The following CXCL12 variants were observed in gnomAD, a reference collection of about 807,000 sequenced individuals.
CXCL12 encodes the protein C-X-C motif chemokine ligand 12, also known as stromal cell-derived factor 1.
In CXCL12, 4 loss-of-function variants were observed where a neutral mutation model predicts 10.7. The ratio of observed to expected loss-of-function variants is 0.37; its 90% CI spans 0.18 to 0.86. CXCL12 has a LOEUF of 0.86. Among genes scored for constraint, CXCL12 ranks in the 40% least tolerant of loss-of-function variants. The pLI, the probability that CXCL12 is intolerant of heterozygous loss-of-function variation, is 0.43. For synonymous variants in CXCL12, 54 were observed against 45.4 expected, an observed-to-expected ratio of 1.19 and a Z score of -0.77; for missense variants, 122 against 110.4, an observed-to-expected ratio of 1.10 and a Z score of -0.47.
At chr10:44,380,068 C>T (rs1311382561) in intron 2 of CXCL12, among the ~76,000 whole-genome samples, 3 of 152,202 alleles carry the variant, frequency 2.0e-5, no homozygotes, top group African/African-American at 4.8e-5. Context: ...CCTGAGCCCT[C>T]GCTTCCCCGT....
chr10:44,373,207 A>G (rs947233454), downstream of CXCL12: 14 of 1,549,138 alleles, frequency 9.0e-6, no homozygotes, highest in Non-Finnish European at 1.1e-5. Flanking sequence ...AGTGTGCAAA[A>G]CAAAGCCCTT....
downstream of CXCL12, among the ~76,000 whole-genome samples, chr10:44,374,938 A>G (rs535614915): frequency 3.3e-5 from 5 of 152,280 alleles, no homozygotes; most frequent in East Asian, 1.9e-4. Context: ...AATCTCACAC[A>G]TACATCTACA....
downstream of CXCL12, chr10:44,372,462 A>C: frequency 7.6e-6 from 2 of 263,796 alleles, no homozygotes; most frequent in South Asian, 7.9e-5. Flanking sequence ...ATGCATCAAG[A>C]CATTGGTCAC....
Position 44,378,567 on chromosome 10 carries a change from C to T in CXCL12, c.*66G>A, listed in dbSNP as rs1422380822. The stretch of plus-strand genomic sequence containing the variant: ...CCCCTCCCCCACGTCTTTGCCCTTT[C>T]ATCTCTCACAAGGTTTTAGTTTTCC... On this transcript the variant is annotated 3_prime_UTR_variant, in exon 3 of 3. Coordinates refer to ENST00000343575, the MANE Select transcript of CXCL12 (RefSeq NM_199168.4). The T allele has an allele frequency of 1.9e-6, 3 of 1,610,348 alleles. No individual in the cohort carries two copies. Among genetic ancestry groups the T allele is most frequent in the African/African-American group, 1.3e-5 (1 of 74,804 alleles).
chr10:44,381,648 T>C (rs538819915), intron 1 of CXCL12, among the ~76,000 whole-genome samples: 6 of 152,346 alleles, frequency 3.9e-5, no homozygotes, highest in African/African-American at 1.4e-4. Flanking sequence ...TTGACACTCA[T>C]TAGTGTAAAT....
downstream of CXCL12, chr10:44,371,379 T>C (rs756767604): frequency 4.2e-6 from 2 of 476,294 alleles, no homozygotes; most frequent in South Asian, 1.5e-5. Context: ...ACGTGACAGA[T>C]TTTAAAATAT....
chr10:44,375,862 G>A (rs1839435201), downstream of CXCL12: 1 of 1,602,220 alleles, frequency 6.2e-7, no homozygotes, highest in African/African-American at 1.3e-5. Flanking sequence ...ATGGGGGTCT[G>A]TCCTGGAGGA....
Position 44,378,051 on chromosome 10 carries a change from AAG to A in CXCL12, c.*580_*581del. 1 of 1,478,340 alleles carries A rather than the reference AAG, an allele frequency of 6.8e-7. No homozygotes were observed. Among genetic ancestry groups the A allele is most frequent in the South Asian group, 1.3e-5 (1 of 74,472 alleles). 91.6% of individuals were successfully genotyped at this position (1,478,340 alleles called of 1,614,324 possible). ...CCACAGAGCCAATCACTGAGGTTGA[AAG>A]AGGAGGTGAAGGCAGTGGCGGCGCC... On this transcript the variant is annotated 3_prime_UTR_variant, in exon 3 of 3. Coordinates refer to ENST00000343575, the MANE Select transcript of CXCL12 (RefSeq NM_199168.4).
rs886992202 is a variant in CXCL12 at position 44,377,226 on chromosome 10, T to C, written c.*1407A>G. 2.8e-5 allele frequency: 28 copies of C among 987,796 alleles called. No homozygotes were observed. In the South Asian group the frequency reaches 1.0e-3, roughly 36 times the overall value. 61.2% of individuals were successfully genotyped at this position (987,796 alleles called of 1,614,324 possible). On this transcript the variant is annotated 3_prime_UTR_variant, in exon 3 of 3. Coordinates refer to ENST00000343575, the MANE Select transcript of CXCL12 (RefSeq NM_199168.4). ...GTGAAAAAATACACTGTGGCTAACA[T>C]TGAAAAGCTGCAATCACATTTATAT... is the stretch of plus-strand genomic sequence containing the variant.
chr10:44,382,821 T>C (rs1224108351), intron 1 of CXCL12, among the ~76,000 whole-genome samples: 1 of 152,240 alleles, frequency 6.6e-6, no homozygotes, highest in Non-Finnish European at 1.5e-5. Flanking sequence ...CCAGGTGTGC[T>C]TACCAAAAGA....
chr10:44,372,413 G>T, downstream of CXCL12: 1 of 183,614 alleles, frequency 5.4e-6, no homozygotes, highest in Non-Finnish European at 1.1e-5. Flanking sequence ...GGCCCAAGGA[G>T]CATCTCCTCG....
At chr10:44,373,642 G>A (rs1044496916), downstream of CXCL12, among the ~76,000 whole-genome samples, 7 of 152,210 alleles carry the variant, frequency 4.6e-5, no homozygotes, top group East Asian at 1.9e-4. Flanking sequence ...GTGGTCATAC[G>A]ACGGGGACAG....
chr10:44,378,208 GAC>G lies in CXCL12; in HGVS notation c.*423_*424del, dbSNP rs1435082660. 90 of 1,438,470 alleles carry G rather than the reference GAC, an allele frequency of 6.3e-5. No homozygotes were observed. In the Admixed American group the frequency reaches 8.0e-4, roughly 13 times the overall value. 89.1% of individuals were successfully genotyped at this position (1,438,470 alleles called of 1,614,324 possible). A position where few individuals can be genotyped will look rare whatever the true frequency, so the allele number is the denominator to read the frequency against. ...TTAAGCCACCACCTGACTGTGCCCA[GAC>G]TCCCCAGGGGAGCAGAGGAGATGCT... On this transcript the variant is annotated 3_prime_UTR_variant, in exon 3 of 3. Coordinates refer to ENST00000343575, the MANE Select transcript of CXCL12 (RefSeq NM_199168.4).
downstream of CXCL12, chr10:44,373,278 G>A (rs748323718): frequency 5.0e-6 from 8 of 1,591,856 alleles, no homozygotes; most frequent in South Asian, 8.0e-5. Flanking sequence ...CCTAACACTG[G>A]TTTCAGAGCT....
rs1163016861 is a variant in CXCL12 at position 44,378,105 on chromosome 10, CA to C, written c.*527del. 2 of 1,447,332 alleles carry C rather than the reference CA, an allele frequency of 1.4e-6. No individual in the cohort carries two copies. The highest frequency in any genetic ancestry group is 2.9e-5 in the African/African-American group (2 of 69,908). 89.7% of individuals were successfully genotyped at this position (1,447,332 alleles called of 1,614,324 possible). ...AGCCCCAGTCGGTATCTGAGTGCCA[CA>C]GAGGCCTTCCTCTTGGGAGGGGCGC... On this transcript the variant is annotated 3_prime_UTR_variant, in exon 3 of 3. Transcript: ENST00000343575.
downstream of CXCL12, chr10:44,373,438 G>C: frequency 1.8e-6 from 2 of 1,104,970 alleles, no homozygotes; most frequent in Non-Finnish European, 2.7e-6. Flanking sequence ...AGGCCCTGGG[G>C]CCAATCCCTA....
At chr10:44,372,429 C>T (rs187468485), downstream of CXCL12, 79 of 190,930 alleles carry the variant, frequency 4.1e-4, no homozygotes, top group Admixed American at 2.4e-3. Flanking sequence ...CCTCGCTCAG[C>T]GGCTGCACAG....
downstream of CXCL12, among the ~76,000 whole-genome samples, chr10:44,373,776 T>C (rs1367457341): frequency 6.6e-6 from 1 of 152,100 alleles, no homozygotes; most frequent in African/African-American, 2.4e-5. Flanking sequence ...CCTCGGGGCC[T>C]CTCAGCCAGG....
intron 1 of CXCL12, among the ~76,000 whole-genome samples, chr10:44,383,628 G>T: frequency 7.9e-6 from 1 of 126,938 alleles, no homozygotes; most frequent in South Asian, 2.7e-4. Flanking sequence ...GGGGGGGTCA[G>T]TGTGCAGACA....
Sources: allele counts gnomAD v4.1 joint callset (sites outside exome capture counted in the v4.1 genomes callset), GRCh38; gene constraint gnomAD v4.1.1; transcripts MANE v1.5; gene names NCBI Gene and HGNC (gene_info 2026-07-23, HGNC 2026-07-21).